Variants in KCNC1 observed in about 807,000 individuals in gnomAD.
KCNC1 encodes potassium voltage-gated channel subfamily C member 1.
In KCNC1, 8 loss-of-function variants were observed where a neutral mutation model predicts 43.4. The ratio of observed to expected loss-of-function variants is 0.18; its 90% CI spans 0.11 to 0.33. KCNC1 has a LOEUF of 0.33. KCNC1 is among the 10% of genes least tolerant of loss of function. The pLI is 1.00. For synonymous variants in KCNC1, 361 were observed against 360.5 expected, an observed-to-expected ratio of 1.00 and a Z score of -0.01; for missense variants, 420 against 836.0, an observed-to-expected ratio of 0.50 and a Z score of 6.14.
chr11:17,768,870 G>A (rs530224012), intron 1 of KCNC1, among the ~76,000 whole-genome samples: 1 of 152,230 alleles, frequency 6.6e-6, no homozygotes, highest in East Asian at 1.9e-4. Context: ...GGCCTTCTAG[G>A]GGGGATCTGA....
chr11:17,735,822 CA>C lies in KCNC1; in HGVS notation c.-178del. The C allele has an allele frequency of 3.2e-6, 2 of 630,974 alleles. No individual in the cohort carries two copies. The highest frequency in any genetic ancestry group is 4.9e-6 in the Non-Finnish European group (2 of 408,578). The allele number at this position is 630,974 out of a possible 1,614,324, so 39.1% of individuals were successfully genotyped here. Reference sequence around the variant, plus strand: ...CACATTCCCCTGGACCGGCACCCGACAAAGCGCCCGGAGAGGCTTGGCTCGC... The same window carrying C: ...CACATTCCCCTGGACCGGCACCCGACAAGCGCCCGGAGAGGCTTGGCTCGC... On this transcript the variant is annotated 5_prime_UTR_variant, in exon 1 of 4. Coordinates refer to ENST00000265969, the MANE Select transcript of KCNC1 (RefSeq NM_001112741.2). This position sits in a 1 kb window ranked among gnomAD's most constrained non-coding sequence, Gnocchi z 6.7.
At chr11:17,753,530 T>A (rs1429423971) in intron 1 of KCNC1, among the ~76,000 whole-genome samples, 1 of 152,244 alleles carries the variant, frequency 6.6e-6, no homozygotes, top group East Asian at 1.9e-4. Context: ...GGGTCTAGCC[T>A]GGGTACAAAA....
At position 17,776,453 on chromosome 11, in the gene KCNC1, C is replaced by T; in HGVS notation, c.1505-3003C>T. 1.0e-6 allele frequency: 1 copy of T among 985,452 alleles called. No individual in the cohort carries two copies. The highest frequency in any genetic ancestry group is 1.2e-6 in the Non-Finnish European group (1 of 829,936). 61.0% of individuals were successfully genotyped at this position (985,452 alleles called of 1,614,324 possible). A position where few individuals can be genotyped will look rare whatever the true frequency, so the allele number is the denominator to read the frequency against. On this transcript the variant is annotated intron_variant, in intron 2 of 3. Coordinates refer to ENST00000265969, the MANE Select transcript of KCNC1 (RefSeq NM_001112741.2). This position sits in a 1 kb window ranked among gnomAD's most constrained non-coding sequence, Gnocchi z 4.4. ...GTGAACAGTAAGTACTTTGGCGGTG[C>T]CTGGAGACCAGGGCAGAAAAGCCAG...
At chr11:17,770,396 C>T (rs1849211172) in intron 1 of KCNC1, among the ~76,000 whole-genome samples, 1 of 152,214 alleles carries the variant, frequency 6.6e-6, no homozygotes, top group African/African-American at 2.4e-5. Flanking sequence ...GAGTGACTAT[C>T]TGGGCCCCTG....
intron 3 of KCNC1, chr11:17,780,768 G>C (rs900053041): frequency 6.6e-6 from 1 of 152,456 alleles, no homozygotes; most frequent in Non-Finnish European, 1.5e-5. Flanking sequence ...AGCCCGCACG[G>C]AGACGAGGGA....
rs1848812951 is a variant in KCNC1 at position 17,739,538 on chromosome 11, AGAG to A, written c.570+2967_570+2969del. Among the ~76,000 whole-genome samples the A allele has an allele frequency of 1.3e-5, 2 of 151,826 alleles. No homozygotes were observed. Among genetic ancestry groups the A allele is most frequent in the Non-Finnish European group, 2.9e-5 (2 of 67,974 alleles). On this transcript the variant is annotated intron_variant, in intron 1 of 3. Transcript: ENST00000265969. This position sits in a 1 kb window ranked among gnomAD's most constrained non-coding sequence, Gnocchi z 4.2. The stretch of plus-strand genomic sequence containing the variant: ...GTGGGAGAGAGTGTGTATAAGGAAG[AGAG>A]ACTGCATGTGTAAGAGAGATGCTGT...
rs1312542865 is a variant in KCNC1 at position 17,779,286 on chromosome 11, C to T, written c.1505-170C>T. The T allele has an allele frequency of 1.0e-5, 6 of 571,632 alleles. No individual in the cohort carries two copies. Among genetic ancestry groups the T allele is most frequent in the Non-Finnish European group, 1.8e-5 (6 of 330,250 alleles). 35.4% of individuals were successfully genotyped at this position (571,632 alleles called of 1,614,324 possible). ...AAGGCTGCCTGAATGAGCTGAACCCCCCACCAAGCCCCCTGCCTTGTGCCC... is the reference window on the plus strand; with the variant it reads ...AAGGCTGCCTGAATGAGCTGAACCCTCCACCAAGCCCCCTGCCTTGTGCCC... On this transcript the variant is annotated intron_variant, in intron 2 of 3. Coordinates refer to ENST00000265969, the MANE Select transcript of KCNC1 (RefSeq NM_001112741.2). This position sits in a 1 kb window ranked among gnomAD's most constrained non-coding sequence, Gnocchi z 7.2.
chr11:17,776,746 G>A lies in KCNC1; in HGVS notation c.1505-2710G>A. On this transcript the variant is annotated intron_variant, in intron 2 of 3. Coordinates refer to ENST00000265969, the MANE Select transcript of KCNC1 (RefSeq NM_001112741.2). The surrounding 1 kb of genome is among the most constrained non-coding windows in gnomAD (Gnocchi z 4.4). ...ATCTCATCCAAAGGATGGGGCAGGG[G>A]CGGGGGCTCACACCTTTGACCCTAT... is the stretch of plus-strand genomic sequence containing the variant. The A allele has an allele frequency of 1.0e-6, 1 of 985,412 alleles. No individual in the cohort carries two copies. The highest frequency in any genetic ancestry group is 1.2e-6 in the Non-Finnish European group (1 of 829,948). The allele number at this position is 985,412 out of a possible 1,614,324, so 61.0% of individuals were successfully genotyped here. A position where few individuals can be genotyped will look rare whatever the true frequency, so the allele number is the denominator to read the frequency against.
At chr11:17,774,015 C>G (rs1849259227) in intron 2 of KCNC1, 1 of 985,408 alleles carries the variant, frequency 1.0e-6, no homozygotes, top group Non-Finnish European at 1.2e-6. Context: ...CCCACCACCC[C>G]ATCCCAATCC....
chr11:17,736,598 G>A lies in KCNC1; in HGVS notation c.570+26G>A. ...GTAAGTGACAATTTACCCATCAGAA[G>A]AGCGGGGCGGGAAGGCAGCGTCCTG... On this transcript the variant is annotated intron_variant, in intron 1 of 3. Coordinates refer to ENST00000265969, the MANE Select transcript of KCNC1 (RefSeq NM_001112741.2). This position sits in a 1 kb window ranked among gnomAD's most constrained non-coding sequence, Gnocchi z 9.3. 1 of 1,472,008 alleles carries A rather than the reference G, an allele frequency of 6.8e-7. No individual in the cohort carries two copies. Among genetic ancestry groups the A allele is most frequent in the Non-Finnish European group, 8.9e-7 (1 of 1,117,944 alleles). The allele number at this position is 1,472,008 out of a possible 1,614,324, so 91.2% of individuals were successfully genotyped here.
chr11:17,736,428 G>T lies in KCNC1; in HGVS notation c.426G>T (p.Ser142=), dbSNP rs925187701. 4 of 1,607,064 alleles carry T rather than the reference G, an allele frequency of 2.5e-6. No individual in the cohort carries two copies. The highest frequency in any genetic ancestry group is 3.4e-6 in the Non-Finnish European group (4 of 1,178,256). The change falls in exon 1 of 4, where the codon TCG becomes TCT. Residue 142 remains serine (S), a synonymous_variant. Coordinates refer to ENST00000265969, the MANE Select transcript of KCNC1 (RefSeq NM_001112741.2). This position sits in a 1 kb window ranked among gnomAD's most constrained non-coding sequence, Gnocchi z 9.3. ...DDADADGPGD[S]GDGEDELEMT... ...CGGACGCCGACGGCCCTGGCGACTC[G>T]GGCGACGGCGAGGACGAGCTGGAGA...
chr11:17,759,717 A>G lies in KCNC1; in HGVS notation c.571-11948A>G, dbSNP rs1261074309. Among the ~76,000 whole-genome samples, 8 of 152,232 alleles carry G rather than the reference A, an allele frequency of 5.3e-5. No individual in the cohort carries two copies. The East Asian group carries it at 1.3e-3, about 26-fold the overall frequency. ...AGTCAGAACTCAGATAACATTTATC[A>G]ATTAAGTTTGCCATCTTATACGGGT... On this transcript the variant is annotated intron_variant, in intron 1 of 3. Coordinates refer to ENST00000265969, the MANE Select transcript of KCNC1 (RefSeq NM_001112741.2).
In KCNC1 at chr11:17,779,691, C is replaced by A. The variant is rs561866909; in HGVS notation, c.1693+47C>A. The A allele has an allele frequency of 2.2e-6, 3 of 1,389,986 alleles. No individual in the cohort carries two copies. Among genetic ancestry groups the A allele is most frequent in the African/African-American group, 1.5e-5 (1 of 67,360 alleles). The allele number at this position is 1,389,986 out of a possible 1,614,324, so 86.1% of individuals were successfully genotyped here. ...ACCGTGCATCGTCCGGGCCGCCTCGCGCTCCTGCAGATGGGTGGGCAGGGC... is the reference window on the plus strand; with the variant it reads ...ACCGTGCATCGTCCGGGCCGCCTCGAGCTCCTGCAGATGGGTGGGCAGGGC... On this transcript the variant is annotated intron_variant, in intron 3 of 3. Transcript: ENST00000265969. This position sits in a 1 kb window ranked among gnomAD's most constrained non-coding sequence, Gnocchi z 7.2.
intron 1 of KCNC1, among the ~76,000 whole-genome samples, chr11:17,746,442 C>T (rs986397392): frequency 2.6e-5 from 4 of 152,210 alleles, no homozygotes; most frequent in Non-Finnish European, 2.9e-5. Context: ...TCCAGCCCGA[C>T]CCCCGAGTCT....
At chr11:17,744,486 G>T (rs548301101) in intron 1 of KCNC1, among the ~76,000 whole-genome samples, 7 of 152,286 alleles carry the variant, frequency 4.6e-5, no homozygotes, top group Admixed American at 2.6e-4. Context: ...TGCCTGACGG[G>T]CTCCCCCAGC....
At chr11:17,745,590 T>G (rs949824582) in intron 1 of KCNC1, among the ~76,000 whole-genome samples, 3 of 152,020 alleles carry the variant, frequency 2.0e-5, no homozygotes, top group Non-Finnish European at 4.4e-5. Flanking sequence ...CACGCTGGGG[T>G]CTGGGCTTCC....
chr11:17,741,663 G>T (rs571391772), intron 1 of KCNC1, among the ~76,000 whole-genome samples: 2 of 152,208 alleles, frequency 1.3e-5, no homozygotes, highest in African/African-American at 2.4e-5. Flanking sequence ...GAACCCTTCA[G>T]TGCTTCGCCA....
At chr11:17,744,203 G>T (rs1342916695) in intron 1 of KCNC1, among the ~76,000 whole-genome samples, 1 of 152,158 alleles carries the variant, frequency 6.6e-6, no homozygotes, top group Non-Finnish European at 1.5e-5. Context: ...GACGGCTAAG[G>T]CTCTTCCCAA....
Position 17,772,986 on chromosome 11 carries a change from G to C in KCNC1, c.1504+388G>C, listed in dbSNP as rs953404035. ...CCGGTGTTGGGACAGAGTGGGGGCG[G>C]GTGTGATTTGGAAACGCTAGACAGC... On this transcript the variant is annotated intron_variant, in intron 2 of 3. Coordinates refer to ENST00000265969, the MANE Select transcript of KCNC1 (RefSeq NM_001112741.2). The C allele has an allele frequency of 1.9e-5, 21 of 1,085,914 alleles. No individual in the cohort carries two copies. The South Asian group carries it at 2.1e-4, about 11-fold the overall frequency. The allele number at this position is 1,085,914 out of a possible 1,614,324, so 67.3% of individuals were successfully genotyped here.
Sources: gnomAD v4.1 joint callset for allele counts (sites outside exome capture counted in the v4.1 genomes callset) on GRCh38, gnomAD v4.1.1 for gene constraint, Gnocchi (gnomAD v3.1) non-coding constraint, MANE v1.5 for transcripts, NCBI Gene and HGNC (gene_info 2026-07-23, HGNC 2026-07-21) for gene names.